Variants in TRPM8 observed in about 807,000 individuals in gnomAD.
The protein encoded by TRPM8 is TRPM8 cationic channel.
A neutral mutation model predicts 133.7 loss-of-function variants in TRPM8; 110 were observed. That is an observed-to-expected ratio of 0.82 (90% CI 0.70 to 0.96). The LOEUF (loss-of-function observed/expected upper bound fraction) is 0.96, where lower values mean the gene tolerates loss of function less well. Among genes scored for constraint, TRPM8 ranks in the 40% least tolerant of loss-of-function variants. TRPM8 has a pLI of 0.00. For synonymous variants in TRPM8, 535 were observed against 532.3 expected (o/e 1.01, Z -0.07); for missense variants, 1,291 against 1,379.5 (o/e 0.94, Z 1.02).
At chr2:233,919,378 T>A (rs1429236908) in intron 1 of TRPM8, among the ~76,000 whole-genome samples, 1 of 152,158 alleles carries the variant, frequency 6.6e-6, no homozygotes, top group Non-Finnish European at 1.5e-5. Flanking sequence ...AGTGTACTAA[T>A]GTTGTTAAGA....
chr2:233,918,400 C>G (rs79956911), intron 1 of TRPM8, among the ~76,000 whole-genome samples: 1 of 151,076 alleles, frequency 6.6e-6, no homozygotes, highest in Non-Finnish European at 1.5e-5. Flanking sequence ...ATAATTATCA[C>G]TATCTTTGTT....
chr2:233,971,564 G>C (rs947309852), intron 17 of TRPM8, among the ~76,000 whole-genome samples: 2 of 152,106 alleles, frequency 1.3e-5, no homozygotes, highest in Non-Finnish European at 2.9e-5. Flanking sequence ...TGGAATTGGT[G>C]GGTTCTTGGT....
chr2:233,991,386 G>A (rs191079711), intron 21 of TRPM8, among the ~76,000 whole-genome samples: 131 of 152,214 alleles, frequency 8.6e-4, no homozygotes, highest in South Asian at 4.2e-3. Flanking sequence ...CTTTTTTGAT[G>A]TTGCAGAATG....
intron 3 of TRPM8, 71 bp downstream of exon 3, chr2:233,930,812 C>A: frequency 1.1e-6 from 1 of 949,524 alleles, no homozygotes; most frequent in Non-Finnish European, 1.7e-6. Context: ...TTACAACAAA[C>A]AAATGCTCCC....
Position 233,947,167 on chromosome 2 carries a change from T to G in TRPM8, c.942+12T>G, listed in dbSNP as rs751307822. The G allele has an allele frequency of 2.5e-6, 4 of 1,613,740 alleles. No homozygotes were observed. Among genetic ancestry groups the G allele is most frequent in the Non-Finnish European group, 3.4e-6 (4 of 1,179,636 alleles). ...AAGAGACTTTGAAAGTGAGTCCTGA[T>G]TTAGTTTTCTAGAAGGTTGGCTAAT... On this transcript the variant is annotated intron_variant, in intron 8 of 25. Transcript: ENST00000324695.
chr2:233,936,125 T>G (rs1690728368), intron 3 of TRPM8, among the ~76,000 whole-genome samples: 1 of 152,084 alleles, frequency 6.6e-6, no homozygotes, highest in Non-Finnish European at 1.5e-5. Flanking sequence ...GGAGGGGCTG[T>G]GCGAGAGTAA....
chr2:233,955,300 G>C, intron 11 of TRPM8, 50 bp downstream of exon 11: 1 of 1,400,602 alleles, frequency 7.1e-7, no homozygotes, highest in South Asian at 1.2e-5. Flanking sequence ...CTGGACAGTG[G>C]TCTGGGCAAT....
At chr2:233,960,222 GT>G (rs768278059) in intron 11 of TRPM8, among the ~76,000 whole-genome samples, 50 of 152,178 alleles carry the variant, frequency 3.3e-4, no homozygotes, top group Admixed American at 1.2e-3. Flanking sequence ...TTTGCATATA[GT>G]TTGATGCATT....
In TRPM8 at chr2:233,980,600, T is replaced by G. The variant is rs1348278944; in HGVS notation, c.2447+321T>G. ...CCAGGCTGGTCTCAAATGCCAGGGCTCAAGGGATCCACCTGCCTCAGCCTC... is the reference window on the plus strand; with the variant it reads ...CCAGGCTGGTCTCAAATGCCAGGGCGCAAGGGATCCACCTGCCTCAGCCTC... On this transcript the variant is annotated intron_variant, in intron 18 of 25. Coordinates refer to ENST00000324695, the MANE Select transcript of TRPM8 (RefSeq NM_024080.5). Among the ~76,000 whole-genome samples, 3 of 152,122 alleles carry G rather than the reference T, an allele frequency of 2.0e-5. No homozygotes were observed. In the East Asian group the frequency reaches 5.8e-4, roughly 29 times the overall value.
chr2:233,951,187 GC>G (rs753584843), intron 9 of TRPM8, among the ~76,000 whole-genome samples: 1 of 152,136 alleles, frequency 6.6e-6, no homozygotes, highest in Non-Finnish European at 1.5e-5. Flanking sequence ...CTGCGATGGA[GC>G]CATTGCACTC....
At chr2:233,953,831 A>C (rs1691227630) in intron 9 of TRPM8, 86 bp from the exon 10 acceptor site, 1 of 997,108 alleles carries the variant, frequency 1.0e-6, no homozygotes, top group African/African-American at 1.6e-5. Flanking sequence ...TGGTCTTTTT[A>C]AAAAGATCTC....
chr2:233,971,972 A>G (rs1428572650), intron 17 of TRPM8, among the ~76,000 whole-genome samples: 2 of 152,132 alleles, frequency 1.3e-5, no homozygotes, highest in Non-Finnish European at 2.9e-5. Context: ...TGCGTTTACA[A>G]TCCCTGAGCT....
intron 17 of TRPM8, among the ~76,000 whole-genome samples, chr2:233,978,131 A>C (rs571450110): frequency 1.3e-5 from 2 of 150,414 alleles, no homozygotes; most frequent in East Asian, 3.9e-4. Context: ...AGTTAATCTT[A>C]GACATAGATC....
rs1574749606 is a variant in TRPM8, at chr2:233,975,833, G to A, written c.2356-4355G>A. Among the ~76,000 whole-genome samples, 5 of 152,330 alleles carry A rather than the reference G, an allele frequency of 3.3e-5. No homozygotes were observed. In the South Asian group the frequency reaches 1.0e-3, roughly 32 times the overall value. On this transcript the variant is annotated intron_variant, in intron 17 of 25. Coordinates refer to ENST00000324695, the MANE Select transcript of TRPM8 (RefSeq NM_024080.5). ...GGAGGCAGAGGTTGCAGTGAGCTGA[G>A]ATTGCACCACTGCACTCCAGCCTGG...
chr2:233,952,521 C>T (rs769650210), intron 9 of TRPM8, among the ~76,000 whole-genome samples: 3 of 151,708 alleles, frequency 2.0e-5, no homozygotes, highest in Admixed American at 1.3e-4. Flanking sequence ...GTGGGAGGCA[C>T]GCCTGAGGAG....
intron 6 of TRPM8, among the ~76,000 whole-genome samples, chr2:233,944,245 G>A (rs770270319): frequency 6.6e-6 from 1 of 152,228 alleles, no homozygotes; most frequent in Non-Finnish European, 1.5e-5. Context: ...CTTCAGGGAT[G>A]AGAGTGGCCT....
At chr2:233,923,261 T>C (rs908050729) in intron 1 of TRPM8, among the ~76,000 whole-genome samples, 9 of 152,236 alleles carry the variant, frequency 5.9e-5, no homozygotes, top group Admixed American at 5.9e-4. Context: ...GAGGTTTTTA[T>C]TGTGAAGACT....
intron 22 of TRPM8, among the ~76,000 whole-genome samples, chr2:233,998,365 G>A (rs1158729843): frequency 1.3e-5 from 2 of 152,216 alleles, no homozygotes; most frequent in Non-Finnish European, 2.9e-5. Flanking sequence ...TGAAGGAAGG[G>A]ACTCAGAATG....
At chr2:233,947,847 T>A (rs997433675) in intron 8 of TRPM8, among the ~76,000 whole-genome samples, 12 of 152,158 alleles carry the variant, frequency 7.9e-5, no homozygotes, top group Non-Finnish European at 1.6e-4. Context: ...TATGTGTAGG[T>A]TTTATGTATA....
Sources: gnomAD v4.1 joint callset for allele counts (sites outside exome capture counted in the v4.1 genomes callset) on GRCh38, gnomAD v4.1.1 for gene constraint, MANE v1.5 for transcripts, NCBI Gene and HGNC (gene_info 2026-07-23, HGNC 2026-07-21) for gene names.